The following SMS variants were observed in gnomAD, a reference collection of about 807,000 sequenced individuals.
SMS encodes spermine synthase.
Under a neutral mutation model 33.0 loss-of-function variants are expected in SMS, and 3 were observed. That is an observed-to-expected ratio of 0.09 (90% CI 0.04 to 0.23). The LOEUF (loss-of-function observed/expected upper bound fraction) is 0.23. Ranked by LOEUF, SMS falls within the 10% of genes least tolerant of loss-of-function variation. The probability of loss-of-function intolerance (pLI) is 1.00; values close to 1 mark genes in which losing one functional copy is unlikely to be tolerated. For synonymous variants in SMS, 103 were observed against 112.2 expected, an observed-to-expected ratio of 0.92 and a Z score of 0.52; for missense variants, 117 against 288.6, an observed-to-expected ratio of 0.41 and a Z score of 4.31.
In SMS at chrX:21,968,399, A is replaced by T. The variant is rs746655463; in HGVS notation, c.170+1083A>T. Among the ~76,000 whole-genome samples, 3 of 112,576 alleles carry T rather than the reference A, an allele frequency of 2.7e-5. No homozygotes were observed. In the South Asian group the frequency reaches 1.1e-3, roughly 41 times the overall value. On this transcript the variant is annotated intron_variant, in intron 2 of 10. Transcript: ENST00000404933. ...GGGCCTGGACATCTGGATTTCTCCA[A>T]AGCCCCAGTGGTTCTATGTGGCCAG... is the stretch of plus-strand genomic sequence containing the variant.
intron 1 of SMS, among the ~76,000 whole-genome samples, chrX:21,956,337 G>T (rs1922968552): frequency 8.9e-6 from 1 of 112,599 alleles, no homozygotes; most frequent in South Asian, 3.6e-4. Flanking sequence ...AGGCAGGAGT[G>T]CAATGGCAAG....
At chrX:21,949,027 G>T (rs757936461) in intron 1 of SMS, among the ~76,000 whole-genome samples, 1 of 112,216 alleles carries the variant, frequency 8.9e-6, no homozygotes, top group African/African-American at 3.2e-5. Flanking sequence ...CGGCCCTGAG[G>T]TGTGGTGGGC....
chrX:21,981,068 C>A (rs1355132677), intron 7 of SMS, among the ~76,000 whole-genome samples: 1 of 111,633 alleles, frequency 9.0e-6, no homozygotes, highest in Non-Finnish European at 1.9e-5. Flanking sequence ...CACCTGTAAT[C>A]CCAGCACTTT....
At chrX:21,991,303 G>A (rs1042422741) in intron 9 of SMS, among the ~76,000 whole-genome samples, 6 of 110,737 alleles carry the variant, frequency 5.4e-5, no homozygotes, top group South Asian at 3.8e-4. Flanking sequence ...TCAGCCTCCC[G>A]AGTAGCTGGG....
At chrX:21,965,993 A>G (rs1334626177) in intron 1 of SMS, among the ~76,000 whole-genome samples, 6 of 111,308 alleles carry the variant, frequency 5.4e-5, no homozygotes, top group Admixed American at 9.5e-5. Context: ...AGAATAAGTC[A>G]TATCTGTCCA....
rs978965903 is a variant in SMS, at chrX:21,967,154, G to A, written c.50-42G>A. 5.8e-6 allele frequency: 7 copies of A among 1,198,653 alleles called. 1 individual carries two copies. Among genetic ancestry groups the A allele is most frequent in the Non-Finnish European group, 2.2e-6 (2 of 889,593 alleles). On this transcript the variant is annotated intron_variant, in intron 1 of 10. Transcript: ENST00000404933. ...TGCCTCATTGGCCTTCCTTCTGAAC[G>A]TTTCTTTCTGACCATCTTGCCTTCT...
intron 9 of SMS, among the ~76,000 whole-genome samples, chrX:21,991,626 G>A (rs1292784755): frequency 8.9e-6 from 1 of 112,494 alleles, no homozygotes; most frequent in African/African-American, 3.2e-5. Flanking sequence ...GGAAAATTGT[G>A]CTAAGAGGAT....
chrX:21,943,508 A>G (rs752093124), intron 1 of SMS, among the ~76,000 whole-genome samples: 14 of 111,641 alleles, frequency 1.3e-4, no homozygotes, highest in Non-Finnish European at 2.4e-4. Flanking sequence ...ATAGATCAGA[A>G]TAGAACGTTC....
At chrX:21,982,485 A>G (rs1244434638) in intron 7 of SMS, among the ~76,000 whole-genome samples, 1 of 112,078 alleles carries the variant, frequency 8.9e-6, no homozygotes, top group Non-Finnish European at 1.9e-5. Flanking sequence ...ACAGGTGCTC[A>G]TATGCATTGC....
chrX:21,967,843 G>A (rs774230350), intron 2 of SMS, among the ~76,000 whole-genome samples: 1 of 112,571 alleles, frequency 8.9e-6, no homozygotes, highest in South Asian at 3.7e-4. Context: ...CGCTCACTGG[G>A]CTCCTGCAAG....
At chrX:21,981,547 G>T (rs1249163746) in intron 7 of SMS, among the ~76,000 whole-genome samples, 1 of 111,729 alleles carries the variant, frequency 9.0e-6, no homozygotes, top group Non-Finnish European at 1.9e-5. Context: ...AGTATGAAAG[G>T]AATACACAAG....
chrX:21,951,690 A>AAT (rs1249120825), intron 1 of SMS, among the ~76,000 whole-genome samples: 2 of 108,725 alleles, frequency 1.8e-5, no homozygotes, highest in African/African-American at 6.7e-5. Flanking sequence ...CCGTTTATTA[A>AAT]ATAGGGAATC....
intron 1 of SMS, among the ~76,000 whole-genome samples, chrX:21,950,073 G>T (rs1401503188): frequency 1.8e-5 from 2 of 111,563 alleles, no homozygotes; most frequent in African/African-American, 6.5e-5. Context: ...ATAGTTTTTT[G>T]TTTTTGTTTT....
At chrX:21,984,674 A>T (rs921156006) in intron 8 of SMS, among the ~76,000 whole-genome samples, 1 of 112,199 alleles carries the variant, frequency 8.9e-6, no homozygotes, top group Non-Finnish European at 1.9e-5. Flanking sequence ...ATCATTTGAC[A>T]ATTTATTTAA....
intron 1 of SMS, among the ~76,000 whole-genome samples, chrX:21,965,699 G>T (rs1406306184): frequency 9.2e-6 from 1 of 108,166 alleles, no homozygotes; most frequent in Admixed American, 9.9e-5. Flanking sequence ...AGTGAGCCAG[G>T]ATCACACCAC....
intron 1 of SMS, among the ~76,000 whole-genome samples, chrX:21,944,522 CAAAAAA>C (rs777680386): frequency 0.094 from 3,256 of 34,763 alleles, 93 homozygotes; most frequent in East Asian, 0.22. Context: ...CCTGTCTCTA[CAAAAAA>C]AAAAAAAAAA....
chrX:21,977,460 T>C (rs1483420514), intron 5 of SMS, among the ~76,000 whole-genome samples: 1 of 111,773 alleles, frequency 8.9e-6, no homozygotes, highest in African/African-American at 3.3e-5. Flanking sequence ...TGGATTGTAT[T>C]TCAAAAGAAA....
intron 9 of SMS, among the ~76,000 whole-genome samples, chrX:21,986,893 C>T (rs1268322602): frequency 9.0e-6 from 1 of 111,484 alleles, no homozygotes; most frequent in African/African-American, 3.3e-5. Flanking sequence ...TCTATCAGAC[C>T]CTTTACAGAG....
chrX:21,956,083 A>G (rs1328055301), intron 1 of SMS, among the ~76,000 whole-genome samples: 1 of 112,508 alleles, frequency 8.9e-6, no homozygotes, highest in African/African-American at 3.2e-5. Flanking sequence ...AAGTTATGCT[A>G]TAACTTAGTG....
Sources: allele counts gnomAD v4.1 joint callset (sites outside exome capture counted in the v4.1 genomes callset), GRCh38; gene constraint gnomAD v4.1.1; transcripts MANE v1.5; gene names NCBI Gene and HGNC (gene_info 2026-07-23, HGNC 2026-07-21).